ZNF516: variants seen among roughly 807,000 people sequenced by gnomAD.
ZNF516 encodes zinc finger protein 516.
In ZNF516, 19 loss-of-function variants were observed where a neutral mutation model predicts 79.7. The ratio of observed to expected loss-of-function variants is 0.24; its 90% CI spans 0.17 to 0.35. The LOEUF is 0.35. Among genes scored for constraint, ZNF516 ranks in the 10% least tolerant of loss-of-function variants. The probability of loss-of-function intolerance (pLI) is 1.00; values close to 1 mark genes in which losing one functional copy is unlikely to be tolerated. For missense variants in ZNF516, 1,678 were observed against 1,679.5 expected (o/e 1.00, Z 0.02); for synonymous variants, 877 against 739.5 (o/e 1.19, Z -3.02).
At chr18:76,417,677 G>A (rs1308734076) in intron 3 of ZNF516, among the ~76,000 whole-genome samples, 1 of 151,980 alleles carries the variant, frequency 6.6e-6, no homozygotes, top group Non-Finnish European at 1.5e-5. Flanking sequence ...ATATTAACTT[G>A]GTAGCTTTCA....
At chr18:76,486,864 C>A (rs1914862849) in intron 1 of ZNF516, among the ~76,000 whole-genome samples, 1 of 151,990 alleles carries the variant, frequency 6.6e-6, no homozygotes, top group South Asian at 2.1e-4. Flanking sequence ...TACTTCCTGA[C>A]CAAGGTTCGG....
At chr18:76,411,497 G>C (rs59709392) in intron 3 of ZNF516, among the ~76,000 whole-genome samples, 50 of 152,322 alleles carry the variant, frequency 3.3e-4, no homozygotes, top group African/African-American at 1.2e-3. Context: ...AGAGTTAATA[G>C]ACAAGACACT....
At chr18:76,439,092 T>C (rs889993348) in intron 3 of ZNF516, among the ~76,000 whole-genome samples, 7 of 152,220 alleles carry the variant, frequency 4.6e-5, no homozygotes, top group Admixed American at 3.9e-4. Flanking sequence ...CAGATTTAAA[T>C]ATGAGATTCA....
intron 3 of ZNF516, among the ~76,000 whole-genome samples, chr18:76,431,597 C>T (rs949667600): frequency 1.3e-5 from 2 of 152,184 alleles, no homozygotes; most frequent in African/African-American, 4.8e-5. Context: ...GGGGATGGGT[C>T]CCTTACGAAT....
At chr18:76,474,427 A>C (rs367682701) in intron 1 of ZNF516, among the ~76,000 whole-genome samples, 1 of 152,200 alleles carries the variant, frequency 6.6e-6, no homozygotes, top group African/African-American at 2.4e-5. Context: ...AAGCAAAAAC[A>C]AAAACAACAC....
At chr18:76,407,148 T>C (rs2075314202) in intron 3 of ZNF516, among the ~76,000 whole-genome samples, 1 of 152,086 alleles carries the variant, frequency 6.6e-6, no homozygotes, top group Non-Finnish European at 1.5e-5. Context: ...GCATGGTGGC[T>C]GACACCTATC....
At chr18:76,402,239 G>A (rs1017117233) in intron 3 of ZNF516, among the ~76,000 whole-genome samples, 1 of 152,204 alleles carries the variant, frequency 6.6e-6, no homozygotes. Context: ...GTTCAGCAGT[G>A]AACGAGGCAC....
chr18:76,392,334 C>T (rs903130065), intron 3 of ZNF516, among the ~76,000 whole-genome samples: 14 of 152,192 alleles, frequency 9.2e-5, no homozygotes, highest in African/African-American at 3.1e-4. Flanking sequence ...TCTGGTCAGC[C>T]ACAGGCTCTA....
rs369123684 is a variant in ZNF516, at chr18:76,371,503, G to A, written c.3328C>T (p.Pro1110Ser). 14 of 1,609,980 alleles carry A rather than the reference G, an allele frequency of 8.7e-6. No individual in the cohort carries two copies. Among genetic ancestry groups the A allele is most frequent in the African/African-American group, 4.0e-5 (3 of 74,940 alleles). The change falls in exon 5 of 7, where the codon CCC becomes TCC. Residue 1110 changes from proline (P) to serine (S), a missense_variant. By Grantham distance (74) the Pro-to-Ser change is moderately conservative. This residue lies in a region of ZNF516 where 1,294 missense variants were observed against 1,248.3 expected (regional missense o/e 1.04). Coordinates refer to ENST00000443185, the MANE Select transcript of ZNF516 (RefSeq NM_014643.4). ...CIECGKSFHQ[P>S]GHLRAHMRAH... ...CGCATGTGGGCCCTGAGGTGGCCGG[G>A]CTGGTGGAAGCTCTTTCCGCACTCG...
intron 2 of ZNF516, among the ~76,000 whole-genome samples, chr18:76,447,905 A>ATG (rs148786077): frequency 0.022 from 3,389 of 152,126 alleles, 49 homozygotes; most frequent in Middle Eastern, 0.034. Flanking sequence ...GTGTGTGTGT[A>ATG]TGTGTGTGTG....
At chr18:76,468,255 C>T (rs1351906666) in intron 1 of ZNF516, among the ~76,000 whole-genome samples, 6 of 152,168 alleles carry the variant, frequency 3.9e-5, no homozygotes, top group Non-Finnish European at 8.8e-5. Flanking sequence ...GGAGCAGCCC[C>T]GTGCTCTTTT....
chr18:76,399,270 T>C (rs144103006), intron 3 of ZNF516, among the ~76,000 whole-genome samples: 148 of 152,384 alleles, frequency 9.7e-4, no homozygotes, highest in African/African-American at 3.2e-3. Context: ...ACATGTCTTA[T>C]GAAGCACAGC....
chr18:76,480,953 G>C (rs1408582563), intron 1 of ZNF516, among the ~76,000 whole-genome samples: 1 of 152,198 alleles, frequency 6.6e-6, no homozygotes, highest in Admixed American at 6.5e-5. Flanking sequence ...GGCTGCCTCG[G>C]GCTGCTCTCA....
At chr18:76,404,355 TAC>T in intron 3 of ZNF516, among the ~76,000 whole-genome samples, 1 of 1,314 alleles carries the variant, frequency 7.6e-4, no homozygotes, top group African/African-American at 8.1e-4. Context: ...GTGCATATAC[TAC>T]GTGTAATGTG....
chr18:76,382,086 C>T (rs1361217286), intron 3 of ZNF516, among the ~76,000 whole-genome samples: 1 of 152,142 alleles, frequency 6.6e-6, no homozygotes, highest in African/African-American at 2.4e-5. Flanking sequence ...GAGCTGACAT[C>T]ACGCCACTGC....
chr18:76,491,151 C>T, intron 1 of ZNF516: 1 of 957,492 alleles, frequency 1.0e-6, no homozygotes, highest in Non-Finnish European at 1.2e-6. Context: ...AAATAGAAAC[C>T]AATTACCTGG....
chr18:76,466,914 A>G (rs1048036416), intron 1 of ZNF516, among the ~76,000 whole-genome samples: 2 of 152,190 alleles, frequency 1.3e-5, no homozygotes, highest in Non-Finnish European at 2.9e-5. Context: ...GGGAGCAAAC[A>G]TGGGAAGGGA....
intron 1 of ZNF516, chr18:76,492,183 G>A (rs1915269495): frequency 2.0e-6 from 2 of 985,298 alleles, no homozygotes; most frequent in African/African-American, 1.7e-5. Context: ...CAGAAGCGCA[G>A]CAACCCCGCG....
At chr18:76,438,540 T>C (rs959726893) in intron 3 of ZNF516, among the ~76,000 whole-genome samples, 10 of 152,366 alleles carry the variant, frequency 6.6e-5, no homozygotes, top group Middle Eastern at 3.4e-3. Flanking sequence ...TGACTTTTTT[T>C]CCATAATTTT....
Sources: gnomAD v4.1 joint callset for allele counts (sites outside exome capture counted in the v4.1 genomes callset) on GRCh38, gnomAD v4.1.1 for gene constraint, gnomAD v4.1.1 regional missense constraint, MANE v1.5 for transcripts, NCBI Gene and HGNC (gene_info 2026-07-23, HGNC 2026-07-21) for gene names.